Variants in TMEM132D observed in about 807,000 individuals in gnomAD.
TMEM132D encodes the protein transmembrane protein 132D.
Under a neutral mutation model 62.3 loss-of-function variants are expected in TMEM132D, and 21 were observed. The observed-to-expected ratio is 0.34, with a 90% CI of 0.24 to 0.49. The LOEUF is 0.49. Among genes scored for constraint, TMEM132D ranks in the 20% least tolerant of loss-of-function variants. The probability of loss-of-function intolerance (pLI) is 0.99; values close to 1 mark genes in which losing one functional copy is unlikely to be tolerated. For missense variants in TMEM132D, 1,346 were observed against 1,402.8 expected, an observed-to-expected ratio of 0.96 and a Z score of 0.65; for synonymous variants, 621 against 575.6, an observed-to-expected ratio of 1.08 and a Z score of -1.13.
chr12:129,272,137 G>C (rs1880870334), intron 4 of TMEM132D, among the ~76,000 whole-genome samples: 1 of 151,840 alleles, frequency 6.6e-6, no homozygotes, highest in South Asian at 2.1e-4. Context: ...CTACAATGAG[G>C]AAAAGAATAC....
At chr12:129,480,224 G>C (rs564012358) in intron 3 of TMEM132D, among the ~76,000 whole-genome samples, 41 of 152,368 alleles carry the variant, frequency 2.7e-4, no homozygotes, top group Non-Finnish European at 4.7e-4. Context: ...GGTGCATGGA[G>C]CTGCAGAGGG....
Position 129,099,865 on chromosome 12 carries a change from G to A in TMEM132D, c.1444-15163C>T, listed in dbSNP as rs192616741. Reference sequence around the variant, plus strand: ...TTTTGAGACGGAGTCTCGCTCTGTCGCCCAGGCTGGAGTGCAGTGGCAGGA... The same window carrying A: ...TTTTGAGACGGAGTCTCGCTCTGTCACCCAGGCTGGAGTGCAGTGGCAGGA... On this transcript the variant is annotated intron_variant, in intron 5 of 8. Coordinates refer to ENST00000422113, the MANE Select transcript of TMEM132D (RefSeq NM_133448.3). Among the ~76,000 whole-genome samples the A allele has an allele frequency of 7.6e-3, 917 of 120,744 alleles. 246 individuals carry two copies. Among genetic ancestry groups the A allele is most frequent in the African/African-American group, 0.052 (878 of 16,846 alleles). 79.2% of individuals were successfully genotyped at this position (120,744 alleles called of 152,430 possible).
chr12:129,200,884 G>A (rs559512355), intron 5 of TMEM132D, among the ~76,000 whole-genome samples: 4 of 152,334 alleles, frequency 2.6e-5, no homozygotes, highest in African/African-American at 4.8e-5. Flanking sequence ...AGCTTGTTAA[G>A]CGTTGTGCTC....
At chr12:129,329,187 A>G (rs1398457515) in intron 4 of TMEM132D, among the ~76,000 whole-genome samples, 2 of 152,008 alleles carry the variant, frequency 1.3e-5, no homozygotes, top group East Asian at 1.9e-4. Flanking sequence ...AGAACCATGC[A>G]TGGTACCTAA....
intron 3 of TMEM132D, among the ~76,000 whole-genome samples, chr12:129,366,262 T>C (rs1440917479): frequency 6.6e-6 from 1 of 152,126 alleles, no homozygotes; most frequent in Non-Finnish European, 1.5e-5. Context: ...ATGTTGGAGG[T>C]GGGTCTGGTG....
At chr12:129,530,092 T>A (rs1876170948) in intron 3 of TMEM132D, among the ~76,000 whole-genome samples, 1 of 152,036 alleles carries the variant, frequency 6.6e-6, no homozygotes, top group Non-Finnish European at 1.5e-5. Flanking sequence ...AAAACCAACA[T>A]CGAGCAAAGA....
intron 5 of TMEM132D, among the ~76,000 whole-genome samples, chr12:129,131,433 C>T (rs1876372063): frequency 6.6e-6 from 1 of 152,090 alleles, no homozygotes; most frequent in Admixed American, 6.5e-5. Flanking sequence ...ATGGGGAAAC[C>T]CCATCTGTAT....
chr12:129,628,859 G>C (rs2137165447), intron 2 of TMEM132D, among the ~76,000 whole-genome samples: 1 of 152,038 alleles, frequency 6.6e-6, no homozygotes, highest in East Asian at 1.9e-4. Flanking sequence ...ATCCTCATCA[G>C]TTTCCTGTCC....
At chr12:129,864,882 G>T (rs1236088441) in intron 1 of TMEM132D, among the ~76,000 whole-genome samples, 2 of 152,124 alleles carry the variant, frequency 1.3e-5, no homozygotes, top group Non-Finnish European at 2.9e-5. Flanking sequence ...CAATGGCTAG[G>T]TCTTAAAGTG....
chr12:129,632,605 G>A (rs939683412), intron 2 of TMEM132D, among the ~76,000 whole-genome samples: 3 of 152,138 alleles, frequency 2.0e-5, no homozygotes, highest in Non-Finnish European at 4.4e-5. Context: ...ATGGCTGTCC[G>A]CTCTGAGCAC....
chr12:129,298,660 T>C (rs1026260345), intron 4 of TMEM132D, among the ~76,000 whole-genome samples: 2 of 152,226 alleles, frequency 1.3e-5, no homozygotes, highest in Non-Finnish European at 2.9e-5. Flanking sequence ...CCAACGGTTC[T>C]ACTTTCTGCT....
chr12:129,758,942 T>G (rs1273754493), intron 1 of TMEM132D, among the ~76,000 whole-genome samples: 1 of 151,786 alleles, frequency 6.6e-6, no homozygotes, highest in Non-Finnish European at 1.5e-5. Context: ...CTTTCTTTTT[T>G]TTTTTTTTTA....
At chr12:129,241,980 G>A (rs1593308557) in intron 4 of TMEM132D, among the ~76,000 whole-genome samples, 2 of 152,060 alleles carry the variant, frequency 1.3e-5, no homozygotes, top group Non-Finnish European at 2.9e-5. Flanking sequence ...ACTATTCTGA[G>A]GGCTCTTCTG....
At chr12:129,442,682 G>A (rs893408987) in intron 3 of TMEM132D, among the ~76,000 whole-genome samples, 1 of 152,084 alleles carries the variant, frequency 6.6e-6, no homozygotes, top group African/African-American at 2.4e-5. Context: ...AATCTAGAAA[G>A]GCATTTATCT....
At chr12:129,206,727 A>G (rs1878858272) in intron 5 of TMEM132D, among the ~76,000 whole-genome samples, 1 of 152,242 alleles carries the variant, frequency 6.6e-6, no homozygotes, top group African/African-American at 2.4e-5. Flanking sequence ...GCTAGACTGG[A>G]TAAAGAAAAT....
chr12:129,813,849 C>T (rs532344872), intron 1 of TMEM132D, among the ~76,000 whole-genome samples: 2 of 151,980 alleles, frequency 1.3e-5, no homozygotes, highest in Non-Finnish European at 1.5e-5. Flanking sequence ...TCAACAAGGG[C>T]GTCAACACAA....
At chr12:129,339,752 T>G (rs1245009299) in intron 3 of TMEM132D, among the ~76,000 whole-genome samples, 1 of 152,190 alleles carries the variant, frequency 6.6e-6, no homozygotes, top group Non-Finnish European at 1.5e-5. Flanking sequence ...TGGGATAATC[T>G]CCGTCTCCGA....
chr12:129,354,114 G>A (rs1869958046), intron 3 of TMEM132D, among the ~76,000 whole-genome samples: 1 of 152,042 alleles, frequency 6.6e-6, no homozygotes, highest in African/African-American at 2.4e-5. Flanking sequence ...GTCCAGCTCA[G>A]CCCAGGCACA....
intron 1 of TMEM132D, among the ~76,000 whole-genome samples, chr12:129,796,453 T>A (rs571200818): frequency 1.3e-5 from 2 of 152,222 alleles, no homozygotes; most frequent in Non-Finnish European, 2.9e-5. Flanking sequence ...AACATTTAGG[T>A]TCAGGGGTAC....
Sources: allele counts gnomAD v4.1 joint callset (sites outside exome capture counted in the v4.1 genomes callset), GRCh38; gene constraint gnomAD v4.1.1; transcripts MANE v1.5; gene names NCBI Gene and HGNC (gene_info 2026-07-23, HGNC 2026-07-21).